DACH1: variants seen among roughly 807,000 people sequenced by gnomAD.
DACH1 encodes dachshund family transcription factor 1.
A neutral mutation model predicts 54.2 loss-of-function variants in DACH1; 12 were observed. The ratio of observed to expected loss-of-function variants is 0.22; its 90% CI spans 0.14 to 0.36. The LOEUF (loss-of-function observed/expected upper bound fraction) is 0.36. Ranked by LOEUF, DACH1 falls within the 10% of genes least tolerant of loss-of-function variation. DACH1 has a pLI of 1.00. For synonymous variants in DACH1, 386 were observed against 366.2 expected (o/e 1.05, Z -0.62); for missense variants, 805 against 929.8 (o/e 0.87, Z 1.75).
intron 3 of DACH1, chr13:71,573,330 A>G (rs1444943652): frequency 1.5e-6 from 1 of 677,226 alleles, no homozygotes; most frequent in Middle Eastern, 2.9e-4. Flanking sequence ...TAAATATAGT[A>G]TATCTCTTTA....
intron 1 of DACH1, among the ~76,000 whole-genome samples, chr13:71,758,944 T>C (rs1258912485): frequency 4.0e-5 from 6 of 150,246 alleles, no homozygotes; most frequent in African/African-American, 1.2e-4. Context: ...TTTTTTTTTT[T>C]CCTGTGGTCC....
chr13:71,708,913 C>T (rs562277847), intron 1 of DACH1, among the ~76,000 whole-genome samples: 88 of 136,116 alleles, frequency 6.5e-4, no homozygotes, highest in Admixed American at 5.8e-3. Context: ...AGTGCAGTGG[C>T]GCGATCTCGG....
chr13:71,570,749 A>T (rs1190018088), intron 4 of DACH1, among the ~76,000 whole-genome samples: 3 of 152,122 alleles, frequency 2.0e-5, no homozygotes, highest in African/African-American at 7.2e-5. Flanking sequence ...AACTTAATCT[A>T]GGAAAACACA....
intron 3 of DACH1, among the ~76,000 whole-genome samples, chr13:71,590,679 GA>G (rs546864999): frequency 6.6e-6 from 1 of 152,158 alleles, no homozygotes; most frequent in Admixed American, 6.5e-5. Context: ...TGCTAGGACT[GA>G]CATTTTATTT....
At chr13:71,587,590 G>T (rs912250849) in intron 3 of DACH1, among the ~76,000 whole-genome samples, 10 of 151,822 alleles carry the variant, frequency 6.6e-5, no homozygotes, top group African/African-American at 2.4e-4. Flanking sequence ...ACACATTTTT[G>T]ACATTTTCTG....
intron 6 of DACH1, among the ~76,000 whole-genome samples, chr13:71,534,382 T>A (rs148954160): frequency 6.6e-6 from 1 of 152,144 alleles, no homozygotes; most frequent in African/African-American, 2.4e-5. Flanking sequence ...GCTCGTTAAT[T>A]TAATTGCATA....
rs187412721 is a variant in DACH1, at chr13:71,466,866, A to G, written c.2083+8275T>C. Among the ~76,000 whole-genome samples the G allele has an allele frequency of 4.0e-3, 602 of 150,656 alleles. 5 individuals are homozygous for G. Among genetic ancestry groups the G allele is most frequent in the African/African-American group, 0.014 (586 of 40,942 alleles). On this transcript the variant is annotated intron_variant, in intron 10 of 10. Transcript: ENST00000613252. ...GTCTCAAAAAAAAAAAAAAAAAAAG[A>G]CAACAGATATATTACAAACTAAGCT...
intron 1 of DACH1, among the ~76,000 whole-genome samples, chr13:71,709,334 A>G (rs1464833923): frequency 3.3e-5 from 5 of 152,070 alleles, no homozygotes; most frequent in African/African-American, 1.2e-4. Context: ...ACCCCTGCCA[A>G]CCACAGTCCA....
chr13:71,484,319 C>A (rs1878298748), intron 7 of DACH1, among the ~76,000 whole-genome samples: 1 of 152,244 alleles, frequency 6.6e-6, no homozygotes, highest in South Asian at 2.1e-4. Context: ...GGGCATGCCC[C>A]ATCATGCCCA....
intron 3 of DACH1, among the ~76,000 whole-genome samples, chr13:71,594,094 T>C (rs1289915619): frequency 6.6e-6 from 1 of 151,296 alleles, no homozygotes; most frequent in Non-Finnish European, 1.5e-5. Context: ...ATCTAATTAG[T>C]AAAGACATAA....
intron 6 of DACH1, among the ~76,000 whole-genome samples, chr13:71,514,177 G>T (rs911914740): frequency 6.6e-6 from 1 of 151,880 alleles, no homozygotes; most frequent in Non-Finnish European, 1.5e-5. Flanking sequence ...GTTTAATTAT[G>T]CTAATCATCT....
At chr13:71,633,090 C>T (rs781154780) in intron 2 of DACH1, among the ~76,000 whole-genome samples, 3 of 152,126 alleles carry the variant, frequency 2.0e-5, no homozygotes, top group Non-Finnish European at 4.4e-5. Flanking sequence ...ATTTGTGCTG[C>T]AGGGAAAACT....
At chr13:71,646,879 GTGGATTC>G in intron 2 of DACH1, among the ~76,000 whole-genome samples, 1 of 152,268 alleles carries the variant, frequency 6.6e-6, no homozygotes, top group East Asian at 1.9e-4. Flanking sequence ...CCATTTAATT[GTGGATTC>G]TGCTGAATTT....
At chr13:71,612,466 T>C (rs1468308476) in intron 3 of DACH1, among the ~76,000 whole-genome samples, 1 of 152,096 alleles carries the variant, frequency 6.6e-6, no homozygotes, top group Non-Finnish European at 1.5e-5. Context: ...ATTTCTAATT[T>C]AATGTTCTTA....
intron 3 of DACH1, among the ~76,000 whole-genome samples, chr13:71,594,473 T>G (rs1054879722): frequency 6.6e-6 from 1 of 152,060 alleles, no homozygotes; most frequent in Non-Finnish European, 1.5e-5. Flanking sequence ...ACTAAACTCA[T>G]AAGCTATAAC....
At chr13:71,735,996 A>G (rs1427086539) in intron 1 of DACH1, among the ~76,000 whole-genome samples, 3 of 152,116 alleles carry the variant, frequency 2.0e-5, no homozygotes, top group South Asian at 4.1e-4. Context: ...AAAAGGTCAT[A>G]TAAAATGCAT....
intron 1 of DACH1, among the ~76,000 whole-genome samples, chr13:71,774,982 G>T (rs1014543749): frequency 1.3e-5 from 2 of 151,750 alleles, no homozygotes; most frequent in African/African-American, 4.8e-5. Flanking sequence ...TCACTGAAAG[G>T]TGCTACAAGA....
intron 3 of DACH1, among the ~76,000 whole-genome samples, chr13:71,600,892 C>G (rs1874441556): frequency 6.6e-6 from 1 of 151,722 alleles, no homozygotes; most frequent in Admixed American, 6.6e-5. Flanking sequence ...CAATACATTG[C>G]CCTCACCCTT....
At chr13:71,501,538 A>C (rs1879915373) in intron 6 of DACH1, among the ~76,000 whole-genome samples, 1 of 152,206 alleles carries the variant, frequency 6.6e-6, no homozygotes, top group Non-Finnish European at 1.5e-5. Context: ...CTCTGGAAGA[A>C]GGGAAGAAAT....
Sources: allele counts gnomAD v4.1 joint callset (sites outside exome capture counted in the v4.1 genomes callset), GRCh38; gene constraint gnomAD v4.1.1; transcripts MANE v1.5; gene names NCBI Gene and HGNC (gene_info 2026-07-23, HGNC 2026-07-21).